Variants in ARSF observed in about 807,000 individuals in gnomAD.
ARSF encodes the protein arylsulfatase F.
Under a neutral mutation model 35.4 loss-of-function variants are expected in ARSF, and 33 were observed. That is an observed-to-expected ratio of 0.93 (90% CI 0.71 to 1.25). The LOEUF is 1.25. Ranked by LOEUF, ARSF falls within the 50% of genes most tolerant of loss-of-function variation. ARSF has a pLI of 0.00. For synonymous variants in ARSF, 222 were observed against 193.1 expected (o/e 1.15, Z -1.24); for missense variants, 501 against 480.2 (o/e 1.04, Z -0.40).
chrX:3,092,989 T>A (rs761486982), intron 7 of ARSF, among the ~76,000 whole-genome samples: 4 of 111,201 alleles, frequency 3.6e-5, no homozygotes, highest in South Asian at 3.8e-4. Flanking sequence ...TGGTTAACAC[T>A]GTGAAACCCC....
rs192920328 is a variant in ARSF, at chrX:3,056,515, A to T, written c.-28-11558A>T. ...GGTCTCGAACTCCTGGGCTCAAGCC[A>T]TCTGCTTGCCTCAACTCCCAAAGTG... On this transcript the variant is annotated intron_variant, in intron 1 of 10. Coordinates refer to ENST00000381127, the MANE Select transcript of ARSF (RefSeq NM_001201539.2). 3.6e-5 allele frequency among the ~76,000 whole-genome samples: 4 copies of T among 110,843 alleles called. No homozygotes were observed. The East Asian group carries it at 8.6e-4, about 24-fold the overall frequency.
chrX:3,072,644 C>T, intron 3 of ARSF, among the ~76,000 whole-genome samples: 1 of 110,461 alleles, frequency 9.1e-6, no homozygotes, highest in African/African-American at 3.3e-5. Flanking sequence ...GCTTTATATC[C>T]CTGAGTTTAT....
intron 6 of ARSF, among the ~76,000 whole-genome samples, 173 bp from the exon 7 acceptor site, chrX:3,089,323 C>T (rs1454562483): frequency 8.9e-6 from 1 of 111,757 alleles, no homozygotes; most frequent in Non-Finnish European, 1.9e-5. Flanking sequence ...AGTTGAGGTG[C>T]TGCAGGATCA....
intron 6 of ARSF, among the ~76,000 whole-genome samples, chrX:3,087,279 T>G (rs2090255262): frequency 1.8e-5 from 2 of 112,075 alleles, no homozygotes; most frequent in Admixed American, 1.9e-4. Flanking sequence ...GCAGCTTAGT[T>G]TGGGATGCAA....
Position 3,071,567 on chromosome X carries a change from G to C in ARSF, c.12-459G>C, listed in dbSNP as rs745376921. Among the ~76,000 whole-genome samples, 18 of 110,747 alleles carry C rather than the reference G, an allele frequency of 1.6e-4. No individual in the cohort carries two copies. In the Admixed American group the frequency reaches 1.6e-3, roughly 10 times the overall value. Reference sequence around the variant, plus strand: ...GATCCACCTGCCTCGGCCTCCCAAAGTGCTGAGATTACAGGTGTGAGCCAC... The same window carrying C: ...GATCCACCTGCCTCGGCCTCCCAAACTGCTGAGATTACAGGTGTGAGCCAC... On this transcript the variant is annotated intron_variant, in intron 2 of 10. Coordinates refer to ENST00000381127, the MANE Select transcript of ARSF (RefSeq NM_001201539.2).
At chrX:3,069,045 A>G (rs2090085120) in intron 2 of ARSF, among the ~76,000 whole-genome samples, 1 of 111,886 alleles carries the variant, frequency 8.9e-6, no homozygotes, top group African/African-American at 3.2e-5. Flanking sequence ...TGAGATAGGA[A>G]TTGAATCAAT....
In ARSF at chrX:3,112,718, G is replaced by T; in HGVS notation, c.*162G>T. On this transcript the variant is annotated 3_prime_UTR_variant, in exon 11 of 11. Transcript: ENST00000381127. ...CATTCCAGATTATTAAAGGCCCACT[G>T]GTTGTTCCACTTGCTGCTTTTTTTT... The T allele has an allele frequency of 2.5e-6, 2 of 790,631 alleles. No individual in the cohort carries two copies. The highest frequency in any genetic ancestry group is 4.9e-5 in the South Asian group (1 of 20,430). The allele number at this position is 790,631 out of a possible 1,213,427, so 65.2% of individuals were successfully genotyped here. A position where few individuals can be genotyped will look rare whatever the true frequency, so the allele number is the denominator to read the frequency against.
rs748721901 is a variant in ARSF, at chrX:3,109,676, T to C, written c.1266-452T>C. Among the ~76,000 whole-genome samples, 4 of 111,759 alleles carry C rather than the reference T, an allele frequency of 3.6e-5. No individual in the cohort carries two copies. The South Asian group carries it at 1.5e-3, about 43-fold the overall frequency. ...CCAGTGTTTAGCTCCCATTTGTAAG[T>C]GAGAACATGGTGATTGGTTTTCTGT... is the stretch of plus-strand genomic sequence containing the variant. On this transcript the variant is annotated intron_variant, in intron 9 of 10. Coordinates refer to ENST00000381127, the MANE Select transcript of ARSF (RefSeq NM_001201539.2).
rs2090453132 is a variant in ARSF at position 3,112,418 on chromosome X, C to T, written c.1635C>T (p.Ile545=). 8.3e-6 allele frequency: 10 copies of T among 1,209,497 alleles called. No homozygotes were observed. The highest frequency in any genetic ancestry group is 7.8e-6 in the Non-Finnish European group (7 of 895,178). The change falls in exon 11 of 11, where the codon ATC becomes ATT. Residue 545 remains isoleucine (I), a synonymous_variant. Transcript: ENST00000381127. ...ANALKEHQET[I]VPVTYQLSEL... is the part of the protein sequence containing the mutation. ...CCCTGAAGGAACACCAGGAAACCAT[C>T]GTGCCTGTGACCTACCAACTCTCAG...
intron 1 of ARSF, among the ~76,000 whole-genome samples, chrX:3,046,896 C>T (rs2089977542): frequency 9.0e-6 from 1 of 110,585 alleles, no homozygotes; most frequent in Non-Finnish European, 1.9e-5. Context: ...TTCCCTGGGC[C>T]ACACTGGAAG....
At chrX:3,076,411 CCTGT>C in intron 3 of ARSF, 133 bp from the exon 4 acceptor site, 2 of 695,852 alleles carry the variant, frequency 2.9e-6, no homozygotes, top group Non-Finnish European at 4.2e-6. Context: ...TCCCTCTCTC[CCTGT>C]CTGTCTCTCC....
chrX:3,111,465 G>A (rs984981484), intron 10 of ARSF, among the ~76,000 whole-genome samples: 2 of 111,143 alleles, frequency 1.8e-5, no homozygotes, highest in African/African-American at 3.3e-5. Context: ...TCTCAAACAT[G>A]CATAATTTCT....
In ARSF at chrX:3,112,654, T is replaced by C. The variant is rs779941049; in HGVS notation, c.*98T>C. 9.4e-7 allele frequency: 1 copy of C among 1,060,788 alleles called. No homozygotes were observed. The highest frequency in any genetic ancestry group is 3.3e-5 in the East Asian group (1 of 30,265). The allele number at this position is 1,060,788 out of a possible 1,213,427, so 87.4% of individuals were successfully genotyped here. A position where few individuals can be genotyped will look rare whatever the true frequency, so the allele number is the denominator to read the frequency against. ...AGCACTAACTTTGGTGCTTTCAAGT[T>C]GGCAAGGAGTGCATTTAATAGTCAA... On this transcript the variant is annotated 3_prime_UTR_variant, in exon 11 of 11. Coordinates refer to ENST00000381127, the MANE Select transcript of ARSF (RefSeq NM_001201539.2).
At chrX:3,060,140 C>A (rs2090035758) in intron 1 of ARSF, among the ~76,000 whole-genome samples, 1 of 112,341 alleles carries the variant, frequency 8.9e-6, no homozygotes, top group African/African-American at 3.2e-5. Context: ...TGCTGTTCTG[C>A]AGCCTCCACT....
rs771806861 is a variant in ARSF at position 3,068,096 on chromosome X, G to A, written c.-5G>A. The A allele has an allele frequency of 1.7e-6, 2 of 1,201,277 alleles. No homozygotes were observed. The highest frequency in any genetic ancestry group is 1.8e-5 in the South Asian group (1 of 55,203). ...AGACAACAAGAAGGTATTCCAAGCT[G>A]CACAATGAGGCCCAGGTAGGTAAAG... On this transcript the variant is annotated 5_prime_UTR_variant, in exon 2 of 11. Coordinates refer to ENST00000381127, the MANE Select transcript of ARSF (RefSeq NM_001201539.2).
chrX:3,100,804 C>G (rs776065919), intron 7 of ARSF, among the ~76,000 whole-genome samples: 1 of 111,039 alleles, frequency 9.0e-6, no homozygotes, highest in Admixed American at 9.6e-5. Flanking sequence ...ATGATCTTGG[C>G]CAGGCTGATC....
chrX:3,091,789 A>G (rs2090292268), intron 7 of ARSF, among the ~76,000 whole-genome samples: 1 of 101,397 alleles, frequency 9.9e-6, no homozygotes, highest in Admixed American at 1.1e-4. Flanking sequence ...GATGATAGGT[A>G]AATAGATGAT....
chrX:3,078,049 C>A (rs970118825), intron 4 of ARSF, among the ~76,000 whole-genome samples: 2 of 108,972 alleles, frequency 1.8e-5, no homozygotes, highest in Non-Finnish European at 3.8e-5. Flanking sequence ...GGTGATCCAC[C>A]CACCTCAGCC....
chrX:3,042,688 G>A (rs1249012547), intron 1 of ARSF, among the ~76,000 whole-genome samples: 1 of 109,393 alleles, frequency 9.1e-6, no homozygotes, highest in Non-Finnish European at 1.9e-5. Flanking sequence ...GTAGAGATAG[G>A]GGTCTTGCCA....
Sources: allele counts gnomAD v4.1 joint callset (sites outside exome capture counted in the v4.1 genomes callset), GRCh38; gene constraint gnomAD v4.1.1; transcripts MANE v1.5; gene names NCBI Gene and HGNC (gene_info 2026-07-23, HGNC 2026-07-21).